The following TRIML1 variants were observed in gnomAD, a reference collection of about 807,000 sequenced individuals.
TRIML1 encodes the protein probable E3 ubiquitin-protein ligase TRIML1.
TRIML1 carries 34 observed loss-of-function variants against 32.3 expected under a neutral mutation model. That is an observed-to-expected ratio of 1.05 (90% CI 0.80 to 1.40). The LOEUF (loss-of-function observed/expected upper bound fraction) is 1.40, where lower values mean the gene tolerates loss of function less well. Ranked by LOEUF, TRIML1 falls within the 40% of genes most tolerant of loss-of-function variation. TRIML1 has a pLI of 0.00. For missense variants in TRIML1, 595 were observed against 574.9 expected, an observed-to-expected ratio of 1.03 and a Z score of -0.36; for synonymous variants, 244 against 226.6, an observed-to-expected ratio of 1.08 and a Z score of -0.69.
Position 188,139,981 on chromosome 4 carries a change from C to T in TRIML1, c.408+15C>T, listed in dbSNP as rs1734791344. 6.3e-7 allele frequency: 1 copy of T among 1,583,510 alleles called. No homozygotes were observed. ...AGCATCACAGAGTAAGACAGCTGCT[C>T]AGCATGAACCCCACGACTCATCGCA... On this transcript the variant is annotated intron_variant, in intron 1 of 5. Transcript: ENST00000332517.
At chr4:188,138,087 T>A (rs550538073), upstream of TRIML1, among the ~76,000 whole-genome samples, 1 of 152,098 alleles carries the variant, frequency 6.6e-6, no homozygotes, top group Non-Finnish European at 1.5e-5. Context: ...TATTTTTTCA[T>A]AGCTTAAATT....
At chr4:188,142,127 AAAAAAG>A (rs1367201499) in intron 2 of TRIML1, 119 bp from the exon 3 acceptor site, 12 of 685,164 alleles carry the variant, frequency 1.8e-5, no homozygotes, top group African/African-American at 5.7e-5. Flanking sequence ...AAAAAAAAAA[AAAAAAG>A]AAAGAAAGAA....
chr4:188,146,585 T>C (rs747465067), intron 5 of TRIML1, among the ~76,000 whole-genome samples: 6 of 152,116 alleles, frequency 3.9e-5, no homozygotes, highest in African/African-American at 1.4e-4. Flanking sequence ...ATGTTTTGTA[T>C]TTTTAGTAGA....
At chr4:188,141,764 C>T (rs79506333) in intron 2 of TRIML1, among the ~76,000 whole-genome samples, 9,232 of 152,028 alleles carry the variant, frequency 0.061, 591 homozygotes, top group African/African-American at 0.16. Context: ...CTACACCCAG[C>T]GCATCAACAG....
At chr4:188,142,551 A>C in intron 3 of TRIML1, 69 bp downstream of exon 3, 1 of 1,253,504 alleles carries the variant, frequency 8.0e-7, no homozygotes, top group Non-Finnish European at 1.1e-6. Flanking sequence ...GCCATAGGAA[A>C]TAATGTTTTC....
chr4:188,138,603 A>G (rs1447271014), upstream of TRIML1, among the ~76,000 whole-genome samples: 1 of 152,102 alleles, frequency 6.6e-6, no homozygotes, highest in African/African-American at 2.4e-5. Context: ...CTAGGCATTT[A>G]CTTTTTCATA....
At position 188,140,511 on chromosome 4, in the gene TRIML1, G is replaced by T. The variant is rs539685958; in HGVS notation, c.409-17G>T. On this transcript the variant is annotated splice_polypyrimidine_tract_variant and intron_variant, in intron 1 of 5. Coordinates refer to ENST00000332517, the MANE Select transcript of TRIML1 (RefSeq NM_178556.5). ...GGACTCTGCTCATTTGCCAGAAAGGGTTTGTTTCTATTGCAGGAGAAACTC... is the reference window on the plus strand; with the variant it reads ...GGACTCTGCTCATTTGCCAGAAAGGTTTTGTTTCTATTGCAGGAGAAACTC... The T allele has an allele frequency of 8.7e-6, 14 of 1,601,240 alleles. No individual in the cohort carries two copies. The African/African-American group carries it at 1.2e-4, about 14-fold the overall frequency.
intron 5 of TRIML1, among the ~76,000 whole-genome samples, chr4:188,145,434 T>C (rs1429841058): frequency 3.1e-5 from 3 of 97,940 alleles, no homozygotes; most frequent in Admixed American, 1.2e-4. Context: ...AGAGCGAGAC[T>C]CCGTCTCAAA....
At chr4:188,137,295 CTTTTTTTTTTTTTT>C (rs67050879), upstream of TRIML1, among the ~76,000 whole-genome samples, 86 of 58,786 alleles carry the variant, frequency 1.5e-3, no homozygotes, top group African/African-American at 5.1e-3. Flanking sequence ...TTATTGTAGT[CTTTTTTTTTTTTTT>C]TTTTTTTTTT....
Position 188,139,883 on chromosome 4 carries a change from G to C in TRIML1, c.325G>C (p.Glu109Gln), listed in dbSNP as rs140603000. 2.5e-6 allele frequency: 4 copies of C among 1,613,836 alleles called. No individual in the cohort carries two copies. In the East Asian group the frequency reaches 8.9e-5, roughly 36 times the overall value. ...PTTAKALSDD[E>Q]QGGSAFVAQS... The stretch of plus-strand genomic sequence containing the variant: ...CACTGCCAAGGCGCTCTCCGATGAC[G>C]AGCAGGGTGGAAGCGCCTTCGTAGC... Residue 109 changes from glutamate to glutamine, a missense_variant, in exon 1 of 6, where the codon GAG (glutamate) becomes CAG (glutamine). Transcript: ENST00000332517.
At chr4:188,140,701 GA>G (rs11316189) in intron 2 of TRIML1, 78 bp downstream of exon 2, 32,069 of 929,138 alleles carry the variant, frequency 0.035, 1,155 homozygotes, top group African/African-American at 0.18. Context: ...GAAATATCAG[GA>G]AAAAAAAAAG....
chr4:188,139,497 G>A lies in TRIML1; in HGVS notation c.-62G>A. 1.3e-6 allele frequency: 2 copies of A among 1,500,438 alleles called. No homozygotes were observed. Among genetic ancestry groups the A allele is most frequent in the Non-Finnish European group, 1.8e-6 (2 of 1,117,962 alleles). 92.9% of individuals were successfully genotyped at this position (1,500,438 alleles called of 1,614,324 possible). Reference sequence around the variant, plus strand: ...TGTTACTCAAAACTGTAGGACGGCAGTGAGGGCTTTGCTAATCCCAGAACA... The same window carrying A: ...TGTTACTCAAAACTGTAGGACGGCAATGAGGGCTTTGCTAATCCCAGAACA... On this transcript the variant is annotated 5_prime_UTR_variant, in exon 1 of 6. In the 5' UTR this introduces an upstream ATG that the reference lacks. Coordinates refer to ENST00000332517, the MANE Select transcript of TRIML1 (RefSeq NM_178556.5).
intron 3 of TRIML1, among the ~76,000 whole-genome samples, 176 bp downstream of exon 3, chr4:188,142,658 G>GA (rs1194673724): frequency 6.9e-6 from 1 of 144,400 alleles, no homozygotes; most frequent in East Asian, 2.0e-4. Flanking sequence ...GAGAGAGAGA[G>GA]AGAAAAAAAA....
intron 3 of TRIML1, 30 bp from the exon 4 acceptor site, chr4:188,143,808 C>T (rs1734952448): frequency 6.2e-7 from 1 of 1,613,804 alleles, no homozygotes; most frequent in Non-Finnish European, 8.5e-7. Context: ...CAAAGCGCAC[C>T]ATGCTAACTT....
intron 2 of TRIML1, 168 bp downstream of exon 2, chr4:188,140,791 G>A: frequency 1.7e-6 from 1 of 575,726 alleles, no homozygotes; most frequent in Non-Finnish European, 3.1e-6. Context: ...CCTCGTGGGA[G>A]TCTCAAGGCT....
At position 188,146,840 on chromosome 4, in the gene TRIML1, C is replaced by T; in HGVS notation, c.875C>T (p.Pro292Leu). The change falls in exon 6 of 6, where the codon CCA becomes CTA. Residue 292 changes from proline to leucine, a missense_variant. Physicochemically the swap from Pro to Leu is moderately conservative, Grantham distance 98 (BLOSUM62 -3). Coordinates refer to ENST00000332517, the MANE Select transcript of TRIML1 (RefSeq NM_178556.5). ...CTTGCAGCGGAGATAACGCTGGACC[C>T]AGCCACAGCTAATGCCTATCTCGTG... ...RKFSTEITLD[P>L]ATANAYLVLS... is the part of the protein sequence containing the mutation. 7.2e-7 allele frequency: 1 copy of T among 1,398,040 alleles called. No homozygotes were observed. The highest frequency in any genetic ancestry group is 9.3e-7 in the Non-Finnish European group (1 of 1,071,328). The allele number at this position is 1,398,040 out of a possible 1,614,324, so 86.6% of individuals were successfully genotyped here. A position where few individuals can be genotyped will look rare whatever the true frequency, so the allele number is the denominator to read the frequency against.
chr4:188,145,023 G>C (rs1022001167), intron 5 of TRIML1, among the ~76,000 whole-genome samples: 18 of 152,156 alleles, frequency 1.2e-4, no homozygotes, highest in African/African-American at 4.3e-4. Flanking sequence ...TACTTACAAT[G>C]ATAAGTAAGG....
At chr4:188,150,217 A>T (rs1319653725), downstream of TRIML1, among the ~76,000 whole-genome samples, 3 of 150,540 alleles carry the variant, frequency 2.0e-5, no homozygotes, top group Non-Finnish European at 1.5e-5. Flanking sequence ...CCTCCTCCCC[A>T]CAGGGTTCAA....
chr4:188,140,826 A>AATAT, intron 2 of TRIML1: 2 of 514,432 alleles, frequency 3.9e-6, no homozygotes, highest in South Asian at 5.2e-5. Context: ...CCCCTCTAGG[A>AATAT]GCCTCCTTTG....
Sources: gnomAD v4.1 joint callset for allele counts (sites outside exome capture counted in the v4.1 genomes callset) on GRCh38, gnomAD v4.1.1 for gene constraint, MANE v1.5 for transcripts, NCBI Gene and HGNC (gene_info 2026-07-23, HGNC 2026-07-21) for gene names.